POT1: variants seen among roughly 807,000 people sequenced by gnomAD.
POT1 encodes the protein protection of telomeres protein 1.
A neutral mutation model predicts 78.5 loss-of-function variants in POT1; 47 were observed. The ratio of observed to expected loss-of-function variants is 0.60; its 90% CI spans 0.47 to 0.76. The LOEUF (loss-of-function observed/expected upper bound fraction) is 0.76. Among genes scored for constraint, POT1 ranks in the 30% least tolerant of loss-of-function variants. The probability of loss-of-function intolerance (pLI) is 0.00; values close to 1 mark genes in which losing one functional copy is unlikely to be tolerated. For synonymous variants in POT1, 259 were observed against 260.7 expected, an observed-to-expected ratio of 0.99 and a Z score of 0.06; for missense variants, 646 against 749.9, an observed-to-expected ratio of 0.86 and a Z score of 1.62.
At chr7:124,864,117 CT>C (rs1250059917) in intron 7 of POT1, among the ~76,000 whole-genome samples, 1 of 152,092 alleles carries the variant, frequency 6.6e-6, no homozygotes, top group Non-Finnish European at 1.5e-5. Context: ...GCCATAAGCT[CT>C]TTTGCTTTCT....
chr7:124,848,955 A>G (rs1795238178), intron 11 of POT1, among the ~76,000 whole-genome samples: 1 of 152,190 alleles, frequency 6.6e-6, no homozygotes, highest in South Asian at 2.1e-4. Context: ...TAGTCATAGC[A>G]TTAAGGTTAC....
intron 17 of POT1, 22 bp downstream of exon 17, chr7:124,827,192 C>CT: frequency 7.6e-7 from 1 of 1,307,826 alleles, no homozygotes; most frequent in Non-Finnish European, 1.0e-6. Flanking sequence ...TTAAAAATAT[C>CT]TTTATTACCT....
At chr7:124,860,682 C>T (rs538944535) in intron 8 of POT1, among the ~76,000 whole-genome samples, 92 of 152,128 alleles carry the variant, frequency 6.0e-4, no homozygotes, top group African/African-American at 2.0e-3. Context: ...TAGGTATACA[C>T]GTGCCATAGT....
intron 3 of POT1, among the ~76,000 whole-genome samples, chr7:124,904,081 A>G (rs1205557648): frequency 1.3e-5 from 2 of 152,246 alleles, no homozygotes; most frequent in East Asian, 3.8e-4. Flanking sequence ...GAATTCTACC[A>G]GAGGTACAAA....
rs1652404475 is a variant in POT1, at chr7:124,867,449, T to C, written c.255+3462A>G. On this transcript the variant is annotated intron_variant, in intron 7 of 18. Transcript: ENST00000357628. Reference sequence around the variant, plus strand: ...GCAACACCTCCCCCATGGCTGCCCATGCTGGTCTTATTTCTGTTTCTCCAA... The same window carrying C: ...GCAACACCTCCCCCATGGCTGCCCACGCTGGTCTTATTTCTGTTTCTCCAA... Among the ~76,000 whole-genome samples, 4 of 152,108 alleles carry C rather than the reference T, an allele frequency of 2.6e-5. No individual in the cohort carries two copies. In the South Asian group the frequency reaches 8.3e-4, roughly 32 times the overall value.
intron 6 of POT1, among the ~76,000 whole-genome samples, chr7:124,877,840 CAAAAAAA>C (rs201285982): frequency 1.7e-4 from 14 of 80,574 alleles, no homozygotes; most frequent in East Asian, 1.1e-3. Context: ...GATTCTGTCT[CAAAAAAA>C]AAAAAAAAAA....
chr7:124,893,452 T>G (rs1341714104), intron 5 of POT1, among the ~76,000 whole-genome samples: 4 of 151,478 alleles, frequency 2.6e-5, no homozygotes, highest in Non-Finnish European at 5.9e-5. Context: ...AATGAAAACT[T>G]ATTGAGAAGT....
chr7:124,832,252 CAAAA>C (rs372881075), intron 15 of POT1, among the ~76,000 whole-genome samples: 2 of 75,624 alleles, frequency 2.6e-5, no homozygotes, highest in South Asian at 1.1e-3. Context: ...ACACTGTCTC[CAAAA>C]AAAAAAAAAA....
chr7:124,844,103 A>G (rs1795098417), intron 12 of POT1, among the ~76,000 whole-genome samples: 1 of 144,808 alleles, frequency 6.9e-6, no homozygotes, highest in Admixed American at 6.9e-5. Flanking sequence ...ACAGTGGAAC[A>G]TTTTGTTGTG....
intron 11 of POT1, among the ~76,000 whole-genome samples, chr7:124,848,844 T>C (rs1483272034): frequency 1.3e-5 from 2 of 151,924 alleles, no homozygotes; most frequent in Non-Finnish European, 2.9e-5. Context: ...GTAGAGGAAA[T>C]AAAAGCGGAG....
intron 6 of POT1, among the ~76,000 whole-genome samples, chr7:124,884,183 A>G (rs1796189679): frequency 6.6e-6 from 1 of 152,130 alleles, no homozygotes; most frequent in African/African-American, 2.4e-5. Context: ...AATCAATATT[A>G]CATAACAAAA....
At chr7:124,909,779 T>C (rs1796848694) in intron 3 of POT1, among the ~76,000 whole-genome samples, 1 of 151,936 alleles carries the variant, frequency 6.6e-6, no homozygotes, top group African/African-American at 2.4e-5. Flanking sequence ...GTAATGTACA[T>C]GTTTTGTAGA....
chr7:124,864,013 A>G (rs1795662183), intron 7 of POT1, among the ~76,000 whole-genome samples: 1 of 152,180 alleles, frequency 6.6e-6, no homozygotes, highest in South Asian at 2.1e-4. Flanking sequence ...AATATTATAG[A>G]AAAGACCAGA....
intron 2 of POT1, among the ~76,000 whole-genome samples, chr7:124,917,230 A>G (rs1797035382): frequency 6.6e-6 from 1 of 152,134 alleles, no homozygotes; most frequent in Admixed American, 6.6e-5. Flanking sequence ...AGTACCTAGT[A>G]AAAAGTAACA....
chr7:124,844,613 T>C (rs1011821892), intron 12 of POT1, among the ~76,000 whole-genome samples: 3 of 150,304 alleles, frequency 2.0e-5, no homozygotes, highest in Non-Finnish European at 3.0e-5. Context: ...CGGGCACCTG[T>C]AGTCCCAGCT....
intron 5 of POT1, among the ~76,000 whole-genome samples, chr7:124,894,937 A>T (rs1288829427): frequency 1.3e-5 from 2 of 151,838 alleles, no homozygotes; most frequent in African/African-American, 4.8e-5. Flanking sequence ...ATCTGAAAAT[A>T]GTTTCACACT....
At chr7:124,868,866 ATTAT>A (rs1484215744) in intron 7 of POT1, among the ~76,000 whole-genome samples, 2 of 151,406 alleles carry the variant, frequency 1.3e-5, no homozygotes, top group African/African-American at 4.8e-5. Context: ...TGACTTATGG[ATTAT>A]TTAAGAATTA....
chr7:124,871,150 G>A (rs1050990939), intron 6 of POT1, 109 bp from the exon 7 acceptor site: 1 of 942,202 alleles, frequency 1.1e-6, no homozygotes, highest in African/African-American at 1.7e-5. Context: ...TTTTAATTAA[G>A]TCTTCTAAGA....
Position 124,824,082 on chromosome 7 carries a change from A to C in POT1, c.1793-8T>G. 1 of 1,535,082 alleles carries C rather than the reference A, an allele frequency of 6.5e-7. No individual in the cohort carries two copies. The highest frequency in any genetic ancestry group is 8.9e-7 in the Non-Finnish European group (1 of 1,119,484). ...CCAACCACGGATATGCATCTACAAA[A>C]ACAAAAACAAAAAAAGCGATTTAAC... On this transcript the variant is annotated splice_polypyrimidine_tract_variant and splice_region_variant and intron_variant, in intron 18 of 18. Transcript: ENST00000357628.
Sources: gnomAD v4.1 joint callset for allele counts (sites outside exome capture counted in the v4.1 genomes callset) on GRCh38, gnomAD v4.1.1 for gene constraint, MANE v1.5 for transcripts, NCBI Gene and HGNC (gene_info 2026-07-23, HGNC 2026-07-21) for gene names.